MLIP: variants seen among roughly 807,000 people sequenced by gnomAD.
MLIP encodes the protein muscular LMNA-interacting protein.
A neutral mutation model predicts 84.8 loss-of-function variants in MLIP; 79 were observed. The ratio of observed to expected loss-of-function variants is 0.93; its 90% confidence interval spans 0.78 to 1.12. The LOEUF (loss-of-function observed/expected upper bound fraction) is 1.12, where lower values mean the gene tolerates loss of function less well. Ranked by LOEUF, MLIP falls within the 50% of genes most tolerant of loss-of-function variation. The probability of loss-of-function intolerance (pLI) is 0.00; values close to 1 mark genes in which losing one functional copy is unlikely to be tolerated. For missense variants in MLIP, 1,257 were observed against 1,160.6 expected, an observed-to-expected ratio of 1.08 and a Z score of -1.21; for synonymous variants, 504 against 463.0, an observed-to-expected ratio of 1.09 and a Z score of -1.14.
At chr6:54,033,517 G>T (rs1397326508) in intron 1 of MLIP, among the ~76,000 whole-genome samples, 1 of 151,916 alleles carries the variant, frequency 6.6e-6, no homozygotes, top group East Asian at 1.9e-4. Context: ...CACCCGCCTT[G>T]GTCTCCTAAA....
In MLIP at chr6:54,134,984, TA is replaced by T. The variant is rs55902234; in HGVS notation, c.646-1720del. Among the ~76,000 whole-genome samples the T allele has an allele frequency of 1.1e-3, 167 of 148,174 alleles. 1 individual carries two copies. The highest frequency in any genetic ancestry group is 3.1e-3 in the African/African-American group (125 of 40,654). On this transcript the variant is annotated intron_variant, in intron 3 of 13. Transcript: ENST00000502396. ...AATTAGAGAAGACTTTTCTTTGTGG[TA>T]AAAAAAAAAATTCCCTGGATACACT...
In MLIP at chr6:54,025,871, G is replaced by T. The variant is rs1038588702; in HGVS notation, c.63+6780G>T. Among the ~76,000 whole-genome samples, 5 of 152,124 alleles carry T rather than the reference G, an allele frequency of 3.3e-5. No homozygotes were observed. In the South Asian group the frequency reaches 6.2e-4, roughly 19 times the overall value. On this transcript the variant is annotated intron_variant, in intron 1 of 12. Coordinates refer to the MLIP transcript ENST00000274897. Reference sequence around the variant, plus strand: ...TTGTGTTGCTTACTGTGCATTCTACGTCTCCACTTGGCACATCGCCCACAA... The same window carrying T: ...TTGTGTTGCTTACTGTGCATTCTACTTCTCCACTTGGCACATCGCCCACAA...
chr6:54,061,012 T>G (rs1166102557), intron 1 of MLIP, among the ~76,000 whole-genome samples: 3 of 151,848 alleles, frequency 2.0e-5, no homozygotes, highest in Non-Finnish European at 4.4e-5. Context: ...CTAAATAACT[T>G]TAAATCTGTT....
chr6:54,108,004 T>G (rs1769139994), upstream of MLIP, among the ~76,000 whole-genome samples: 1 of 152,158 alleles, frequency 6.6e-6, no homozygotes, highest in South Asian at 2.1e-4. Context: ...GGAAGAGGAT[T>G]ATTTGTTCTG....
At chr6:54,114,977 G>A (rs190341060) in intron 1 of MLIP, among the ~76,000 whole-genome samples, 10 of 152,270 alleles carry the variant, frequency 6.6e-5, no homozygotes, top group East Asian at 3.9e-4. Context: ...TTACCTTAAC[G>A]AAATAGGAAA....
intron 12 of MLIP, among the ~76,000 whole-genome samples, chr6:54,236,973 A>G (rs1781406053): frequency 6.6e-6 from 1 of 152,100 alleles, no homozygotes; most frequent in Non-Finnish European, 1.5e-5. Flanking sequence ...CCCAGGAGAA[A>G]TGGTTTAGTA....
chr6:54,253,819 G>T (rs900134396), intron 12 of MLIP, among the ~76,000 whole-genome samples: 1 of 152,094 alleles, frequency 6.6e-6, no homozygotes, highest in Non-Finnish European at 1.5e-5. Flanking sequence ...TCCAACAGTG[G>T]TGAGTGAACA....
chr6:54,150,202 A>G (rs548656522), intron 5 of MLIP, among the ~76,000 whole-genome samples: 1 of 152,196 alleles, frequency 6.6e-6, no homozygotes, highest in African/African-American at 2.4e-5. Flanking sequence ...TTAATTCCAC[A>G]TTATACACAG....
At chr6:54,130,866 A>G (rs1771316581) in intron 3 of MLIP, among the ~76,000 whole-genome samples, 2 of 152,268 alleles carry the variant, frequency 1.3e-5, no homozygotes, top group South Asian at 4.1e-4. Flanking sequence ...GAAATATGAA[A>G]AGGACTCATC....
chr6:54,246,969 A>G (rs1782125034), intron 12 of MLIP, among the ~76,000 whole-genome samples: 1 of 152,130 alleles, frequency 6.6e-6, no homozygotes, highest in Non-Finnish European at 1.5e-5. Context: ...ACACTTAATC[A>G]GATTGCTTTA....
intron 12 of MLIP, among the ~76,000 whole-genome samples, chr6:54,239,495 G>T (rs748197066): frequency 2.3e-4 from 35 of 151,122 alleles, no homozygotes; most frequent in Non-Finnish European, 4.7e-4. Context: ...TTGAGGCTGG[G>T]TGTGGTGGCT....
At chr6:54,226,940 T>C (rs1780616321) in intron 11 of MLIP, among the ~76,000 whole-genome samples, 4 of 152,142 alleles carry the variant, frequency 2.6e-5, no homozygotes, top group African/African-American at 4.8e-5. Flanking sequence ...GTCACCTTAG[T>C]TGGAGAATGA....
chr6:54,171,664 C>G (rs1775781941), intron 9 of MLIP, among the ~76,000 whole-genome samples: 1 of 151,092 alleles, frequency 6.6e-6, no homozygotes, highest in Admixed American at 6.6e-5. Context: ...TGAACAAGAG[C>G]TTATCTTGTA....
rs199703032 is a variant in MLIP, at chr6:54,066,974, G to GA, written c.63+47891dup. On this transcript the variant is annotated intron_variant, in intron 1 of 12. Transcript: ENST00000274897. The stretch of plus-strand genomic sequence containing the variant: ...TATTCAACATGAGTGATATCCAGAG[G>GA]AAAAAAAATCTACTTTCATTCCCAT... Among the ~76,000 whole-genome samples the GA allele has an allele frequency of 1.6e-4, 16 of 99,616 alleles. 7 individuals carry two copies. The highest frequency in any genetic ancestry group is 4.1e-4 in the Non-Finnish European group (14 of 34,546). 65.4% of individuals were successfully genotyped at this position (99,616 alleles called of 152,430 possible).
chr6:54,252,814 A>C (rs1782734118), intron 12 of MLIP, among the ~76,000 whole-genome samples: 1 of 151,958 alleles, frequency 6.6e-6, no homozygotes, highest in East Asian at 1.9e-4. Context: ...CTGACAATTA[A>C]ATTTAATTCT....
At chr6:54,154,495 C>G (rs776155605) in intron 5 of MLIP, among the ~76,000 whole-genome samples, 7 of 152,144 alleles carry the variant, frequency 4.6e-5, no homozygotes, top group Non-Finnish European at 1.0e-4. Context: ...CTTTCATCTT[C>G]ACAACTCTGT....
chr6:54,079,683 G>A (rs1460710781), intron 1 of MLIP: 2 of 152,082 alleles, frequency 1.3e-5, no homozygotes, highest in East Asian at 1.9e-4. Context: ...AGATAAATGA[G>A]CTTGATTCCT....
At chr6:54,208,187 A>T (rs543289072) in intron 11 of MLIP, among the ~76,000 whole-genome samples, 1 of 152,354 alleles carries the variant, frequency 6.6e-6, no homozygotes, top group East Asian at 1.9e-4. Flanking sequence ...TTTATCTGTA[A>T]GGTATTAAAC....
intron 11 of MLIP, among the ~76,000 whole-genome samples, chr6:54,227,721 C>G (rs183265752): frequency 5.2e-4 from 79 of 152,226 alleles, no homozygotes; most frequent in Non-Finnish European, 8.4e-4. Flanking sequence ...ATTTTCCAAC[C>G]TGGAATTTCA....
Sources: gnomAD v4.1 joint callset for allele counts (sites outside exome capture counted in the v4.1 genomes callset) on GRCh38, gnomAD v4.1.1 for gene constraint, MANE v1.5 for transcripts, NCBI Gene and HGNC (gene_info 2026-07-23, HGNC 2026-07-21) for gene names.